The following PALM2AKAP2 variants were observed in gnomAD, a reference collection of about 807,000 sequenced individuals.
The protein encoded by PALM2AKAP2 is PALM2-AKAP2 fusion protein.
In PALM2AKAP2, 37 loss-of-function variants were observed where a neutral mutation model predicts 71.5. That is an observed-to-expected ratio of 0.52 (90% confidence interval 0.40 to 0.68). The LOEUF (loss-of-function observed/expected upper bound fraction) is 0.68, where lower values mean the gene tolerates loss of function less well. Ranked by LOEUF, PALM2AKAP2 falls within the 30% of genes least tolerant of loss-of-function variation. The probability of loss-of-function intolerance (pLI) is 0.00; values close to 1 mark genes in which losing one functional copy is unlikely to be tolerated. For synonymous variants in PALM2AKAP2, 468 were observed against 478.8 expected (o/e 0.98, Z 0.29); for missense variants, 1,224 against 1,191.8 (o/e 1.03, Z -0.40).
chr9:109,641,703 G>A (rs78009379), intron 1 of PALM2AKAP2, among the ~76,000 whole-genome samples: 2,017 of 152,230 alleles, frequency 0.013, 32 homozygotes, highest in East Asian at 0.036. Context: ...ATTAGATCCC[G>A]CTCACTTGGT....
chr9:110,082,758 T>C (rs77918220), intron 1 of PALM2AKAP2, among the ~76,000 whole-genome samples: 1,805 of 152,336 alleles, frequency 0.012, 38 homozygotes, highest in African/African-American at 0.041. Context: ...TCAGTAGTGT[T>C]AAGTACTGAA....
At chr9:110,103,052 G>A (rs1398038521) in intron 1 of PALM2AKAP2, among the ~76,000 whole-genome samples, 1 of 152,052 alleles carries the variant, frequency 6.6e-6, no homozygotes, top group Non-Finnish European at 1.5e-5. Context: ...TTGTGACTTA[G>A]TTCACTTCCC....
intron 3 of PALM2AKAP2, among the ~76,000 whole-genome samples, chr9:109,890,621 G>A (rs1379803649): frequency 2.0e-5 from 3 of 152,210 alleles, no homozygotes; most frequent in Non-Finnish European, 2.9e-5. Flanking sequence ...CAGGTGAGAG[G>A]AAAGGGTTAC....
At chr9:109,762,988 G>A (rs1829081517) in intron 1 of PALM2AKAP2, among the ~76,000 whole-genome samples, 2 of 152,170 alleles carry the variant, frequency 1.3e-5, no homozygotes, top group Admixed American at 6.5e-5. Flanking sequence ...CATGATCAGA[G>A]CCAGGCACAT....
intron 1 of PALM2AKAP2, among the ~76,000 whole-genome samples, chr9:109,847,848 G>A (rs1352484591): frequency 6.6e-6 from 1 of 152,320 alleles, no homozygotes; most frequent in Non-Finnish European, 1.5e-5. Context: ...CCTGGCTGTA[G>A]GTGACTTTTG....
At chr9:110,085,042 G>C (rs951526629) in intron 1 of PALM2AKAP2, among the ~76,000 whole-genome samples, 4 of 151,966 alleles carry the variant, frequency 2.6e-5, no homozygotes, top group African/African-American at 9.7e-5. Flanking sequence ...GCCCGGCCTA[G>C]ATGCAACCAT....
At chr9:109,692,134 A>C (rs967648187) in intron 1 of PALM2AKAP2, among the ~76,000 whole-genome samples, 2 of 150,994 alleles carry the variant, frequency 1.3e-5, no homozygotes, top group African/African-American at 4.9e-5. Context: ...TATCCCTGTA[A>C]AGTATGTAAG....
intron 1 of PALM2AKAP2, among the ~76,000 whole-genome samples, chr9:109,810,122 G>C (rs1002789493): frequency 2.0e-5 from 3 of 152,160 alleles, no homozygotes; most frequent in African/African-American, 7.2e-5. Flanking sequence ...GTGGTGGTGG[G>C]GAGGTCATAA....
intron 1 of PALM2AKAP2, among the ~76,000 whole-genome samples, chr9:109,744,964 G>A (rs1828776516): frequency 6.6e-6 from 1 of 152,176 alleles, no homozygotes; most frequent in Admixed American, 6.5e-5. Context: ...CTAAGTCCAT[G>A]CATGCCCTCA....
intron 1 of PALM2AKAP2, among the ~76,000 whole-genome samples, chr9:109,768,474 C>A (rs1039125504): frequency 6.6e-5 from 10 of 152,076 alleles, no homozygotes; most frequent in African/African-American, 2.4e-4. Context: ...TGTGAGGTAT[C>A]CAGCACCTCA....
At chr9:110,091,329 A>G (rs1834700129) in intron 1 of PALM2AKAP2, among the ~76,000 whole-genome samples, 1 of 152,064 alleles carries the variant, frequency 6.6e-6, no homozygotes, top group Non-Finnish European at 1.5e-5. Context: ...CTTCCTTTTC[A>G]AAACTCTGAA....
chr9:110,163,116 T>G (rs1195481237), intron 3 of PALM2AKAP2, among the ~76,000 whole-genome samples: 5 of 152,148 alleles, frequency 3.3e-5, no homozygotes, highest in African/African-American at 1.2e-4. Flanking sequence ...TTTTTTCTAT[T>G]TTGTCCATTT....
intron 1 of PALM2AKAP2, among the ~76,000 whole-genome samples, chr9:110,051,350 CT>C (rs1232400445): frequency 1.3e-5 from 2 of 152,184 alleles, no homozygotes; most frequent in African/African-American, 4.8e-5. Flanking sequence ...AATCCACTGG[CT>C]TTATTTCTGA....
intron 6 of PALM2AKAP2, among the ~76,000 whole-genome samples, chr9:110,005,365 C>T (rs1267893066): frequency 6.6e-6 from 1 of 152,238 alleles, no homozygotes; most frequent in South Asian, 2.1e-4. Flanking sequence ...GCAAATATTG[C>T]TCCCTGATCA....
chr9:109,673,078 G>A (rs1035432825), intron 1 of PALM2AKAP2, among the ~76,000 whole-genome samples: 10 of 151,538 alleles, frequency 6.6e-5, no homozygotes, highest in Non-Finnish European at 3.0e-5. Flanking sequence ...AATGCTTTTT[G>A]TGTACGTGTG....
At chr9:109,809,170 A>C (rs112331779) in intron 1 of PALM2AKAP2, among the ~76,000 whole-genome samples, 1 of 152,142 alleles carries the variant, frequency 6.6e-6, no homozygotes, top group Non-Finnish European at 1.5e-5. Context: ...GAAGAAGGCC[A>C]TTGCTCTCCA....
intron 6 of PALM2AKAP2, among the ~76,000 whole-genome samples, chr9:109,987,221 C>T (rs1442635898): frequency 6.6e-6 from 1 of 152,140 alleles, no homozygotes. Flanking sequence ...ACCTCCACCT[C>T]CTGGATTCAA....
At chr9:109,780,275 C>T, upstream of PALM2AKAP2, 2 of 1,202,070 alleles carry the variant, frequency 1.7e-6, no homozygotes, top group Non-Finnish European at 2.1e-6. Flanking sequence ...GGGGCGCAGC[C>T]AGGCGGCCGG....
At chr9:109,883,622 T>C (rs903520123) in intron 3 of PALM2AKAP2, among the ~76,000 whole-genome samples, 1 of 152,230 alleles carries the variant, frequency 6.6e-6, no homozygotes. Flanking sequence ...AAGAAAGAGC[T>C]GTTATCTCTC....
Sources: allele counts gnomAD v4.1 joint callset (sites outside exome capture counted in the v4.1 genomes callset), GRCh38; gene constraint gnomAD v4.1.1; transcripts MANE v1.5; gene names NCBI Gene and HGNC (gene_info 2026-07-23, HGNC 2026-07-21).